Variants in CNTNAP2 observed in about 807,000 individuals in gnomAD.
The protein encoded by CNTNAP2 is contactin-associated protein-like 2.
A neutral mutation model predicts 155.2 loss-of-function variants in CNTNAP2; 98 were observed. That is an observed-to-expected ratio of 0.63 (90% CI 0.54 to 0.75). The LOEUF (loss-of-function observed/expected upper bound fraction) is 0.75, where lower values mean the gene tolerates loss of function less well. CNTNAP2 is among the 30% of genes least tolerant of loss of function. The pLI is 0.00. For missense variants in CNTNAP2, 1,727 were observed against 1,688.1 expected (o/e 1.02, Z -0.40); for synonymous variants, 651 against 631.2 (o/e 1.03, Z -0.47).
intron 15 of CNTNAP2, among the ~76,000 whole-genome samples, chr7:148,077,578 C>T (rs1000707011): frequency 2.0e-5 from 3 of 152,146 alleles, no homozygotes; most frequent in African/African-American, 7.2e-5. Flanking sequence ...CAAAATGCCC[C>T]TTAGAGTCTT....
At chr7:146,695,170 G>T (rs1800761371) in intron 1 of CNTNAP2, among the ~76,000 whole-genome samples, 1 of 152,062 alleles carries the variant, frequency 6.6e-6, no homozygotes, top group Non-Finnish European at 1.5e-5. Context: ...CTCTCTTAGG[G>T]GGAAAGCATC....
At chr7:147,225,989 AAG>A (rs1319676053) in intron 8 of CNTNAP2, among the ~76,000 whole-genome samples, 1 of 147,772 alleles carries the variant, frequency 6.8e-6, no homozygotes, top group Non-Finnish European at 1.5e-5. Flanking sequence ...GAAAGAGAGA[AAG>A]AAAGAAAGAA....
intron 13 of CNTNAP2, among the ~76,000 whole-genome samples, chr7:147,696,443 C>A (rs1050882449): frequency 2.0e-5 from 3 of 152,118 alleles, no homozygotes; most frequent in Non-Finnish European, 4.4e-5. Context: ...ACAGGTAGTG[C>A]AAATACTTTA....
chr7:146,142,017 C>T (rs569798328), intron 1 of CNTNAP2, among the ~76,000 whole-genome samples: 1 of 152,188 alleles, frequency 6.6e-6, no homozygotes, highest in African/African-American at 2.4e-5. Context: ...GCTGTTTTTT[C>T]TTAACTTTGC....
intron 9 of CNTNAP2, among the ~76,000 whole-genome samples, chr7:147,390,402 G>A (rs1013893818): frequency 3.3e-5 from 5 of 152,128 alleles, no homozygotes; most frequent in African/African-American, 1.2e-4. Flanking sequence ...TTTTCTGTAA[G>A]AGGCCAGTAA....
intron 1 of CNTNAP2, among the ~76,000 whole-genome samples, chr7:146,493,890 G>A (rs764621856): frequency 1.3e-5 from 2 of 152,058 alleles, no homozygotes; most frequent in African/African-American, 2.4e-5. Flanking sequence ...TTTGTATGAG[G>A]GAGAAAATAA....
chr7:146,741,873 A>G (rs1443761444), intron 1 of CNTNAP2, among the ~76,000 whole-genome samples: 1 of 152,182 alleles, frequency 6.6e-6, no homozygotes, highest in Admixed American at 6.5e-5. Flanking sequence ...GGATGGAGCT[A>G]GAGGATAATT....
intron 1 of CNTNAP2, among the ~76,000 whole-genome samples, chr7:146,202,871 G>T (rs1798888019): frequency 6.6e-6 from 1 of 152,118 alleles, no homozygotes. Context: ...GTGGGAATTT[G>T]AATCCATTAT....
chr7:146,395,314 T>G (rs1795603839), intron 1 of CNTNAP2, among the ~76,000 whole-genome samples: 1 of 151,910 alleles, frequency 6.6e-6, no homozygotes, highest in Non-Finnish European at 1.5e-5. Context: ...ACCCAGGGAG[T>G]CCAATGCCAG....
chr7:147,406,599 A>G (rs560468160), intron 10 of CNTNAP2, among the ~76,000 whole-genome samples: 3 of 152,174 alleles, frequency 2.0e-5, no homozygotes, highest in Non-Finnish European at 2.9e-5. Flanking sequence ...ACCCATTGCT[A>G]TATTAGAGAT....
chr7:147,273,788 T>TTA (rs970127661), intron 8 of CNTNAP2, among the ~76,000 whole-genome samples: 4 of 146,532 alleles, frequency 2.7e-5, no homozygotes, highest in African/African-American at 1.0e-4. Context: ...TATATCTATT[T>TTA]TATATATATT....
At chr7:147,208,983 A>T (rs1326950672) in intron 8 of CNTNAP2, among the ~76,000 whole-genome samples, 1 of 151,954 alleles carries the variant, frequency 6.6e-6, no homozygotes, top group Non-Finnish European at 1.5e-5. Flanking sequence ...GTTTCCCCTT[A>T]TGTACAAGTT....
chr7:147,994,552 C>T (rs1801769138), intron 15 of CNTNAP2, among the ~76,000 whole-genome samples: 1 of 152,094 alleles, frequency 6.6e-6, no homozygotes, highest in Non-Finnish European at 1.5e-5. Context: ...CAGCACTGTT[C>T]TCATGATAGT....
intron 1 of CNTNAP2, among the ~76,000 whole-genome samples, chr7:146,248,656 G>C (rs1170382524): frequency 6.6e-6 from 1 of 152,188 alleles, no homozygotes; most frequent in Admixed American, 6.5e-5. Context: ...AGAGTAAAAA[G>C]GGGCTGCTTA....
At chr7:146,907,626 G>T (rs552745310) in intron 3 of CNTNAP2, among the ~76,000 whole-genome samples, 1,642 of 150,378 alleles carry the variant, frequency 0.011, 23 homozygotes, top group African/African-American at 0.037. Context: ...CACCAAGCCT[G>T]CCCTAAAAGA....
At chr7:146,418,079 C>G (rs1795962505) in intron 1 of CNTNAP2, among the ~76,000 whole-genome samples, 1 of 152,182 alleles carries the variant, frequency 6.6e-6, no homozygotes, top group African/African-American at 2.4e-5. Context: ...CATTTGGTCC[C>G]ATTTTTCACT....
chr7:146,999,243 C>CAA lies in CNTNAP2; in HGVS notation c.403-44650_403-44649dup, dbSNP rs3081713. 3.8e-3 allele frequency among the ~76,000 whole-genome samples: 499 copies of CAA among 131,536 alleles called. 2 individuals carry two copies. The highest frequency in any genetic ancestry group is 0.012 in the African/African-American group (463 of 37,688). 86.3% of individuals were successfully genotyped at this position (131,536 alleles called of 152,430 possible). A position where few individuals can be genotyped will look rare whatever the true frequency, so the allele number is the denominator to read the frequency against. On this transcript the variant is annotated intron_variant, in intron 3 of 23. Coordinates refer to ENST00000361727, the MANE Select transcript of CNTNAP2 (RefSeq NM_014141.6). ...CCTGATAACAGCTTAAGTTTGATTG[C>CAA]AAAAAAAAAAAAAAAGACAAAGCAA...
chr7:148,267,119 A>G lies in CNTNAP2; in HGVS notation c.3468A>G (p.Lys1156=). 1 of 1,613,548 alleles carries G rather than the reference A, an allele frequency of 6.2e-7. No individual in the cohort carries two copies. The highest frequency in any genetic ancestry group is 1.1e-5 in the South Asian group (1 of 91,072). ...CTCCCAAGTCGCTCTTTCTGGGAAA[A>G]GTTATAGGTAAGAATGTGGTTCGTT... is the stretch of plus-strand genomic sequence containing the variant. ...FNSPKSLFLG[K]VIETGKIDQE... The change falls in exon 21 of 24, where the codon AAA becomes AAG. Residue 1156 remains lysine, a synonymous_variant. Coordinates refer to ENST00000361727, the MANE Select transcript of CNTNAP2 (RefSeq NM_014141.6).
intron 1 of CNTNAP2, among the ~76,000 whole-genome samples, chr7:146,413,607 C>T (rs1795896802): frequency 6.6e-6 from 1 of 152,078 alleles, no homozygotes. Flanking sequence ...TCATCTTCCT[C>T]GTTCTCCTTT....
Sources: gnomAD v4.1 joint callset for allele counts (sites outside exome capture counted in the v4.1 genomes callset) on GRCh38, gnomAD v4.1.1 for gene constraint, MANE v1.5 for transcripts, NCBI Gene and HGNC (gene_info 2026-07-23, HGNC 2026-07-21) for gene names.